The following TRDN variants were observed in gnomAD, a reference collection of about 807,000 sequenced individuals.
The protein encoded by TRDN is triadin, also known as triadin in skeletal muscle.
A neutral mutation model predicts 149.7 loss-of-function variants in TRDN; 161 were observed. The ratio of observed to expected loss-of-function variants is 1.08; its 90% CI spans 0.95 to 1.23. TRDN has a LOEUF of 1.23. Among genes scored for constraint, TRDN ranks in the 50% most tolerant of loss-of-function variants. The pLI is 0.00. For synonymous variants in TRDN, 294 were observed against 250.5 expected (o/e 1.17, Z -1.64); for missense variants, 896 against 823.5 (o/e 1.09, Z -1.08).
chr6:123,406,075 T>C lies in TRDN; in HGVS notation c.1052-12398A>G, dbSNP rs549515100. 5.9e-5 allele frequency among the ~76,000 whole-genome samples: 9 copies of C among 152,328 alleles called. No individual in the cohort carries two copies. The South Asian group carries it at 1.9e-3, about 32-fold the overall frequency. ...TCTTCATCCTTCATTTGTTGAATTT[T>C]CTAGAAAACCAGATAAGCACAAATG... On this transcript the variant is annotated intron_variant, in intron 12 of 40. Coordinates refer to ENST00000334268, the MANE Select transcript of TRDN (RefSeq NM_006073.4).
chr6:123,491,360 A>G (rs1778210749), intron 9 of TRDN, among the ~76,000 whole-genome samples: 1 of 152,174 alleles, frequency 6.6e-6, no homozygotes, highest in Non-Finnish European at 1.5e-5. Flanking sequence ...CTGAAGGCTC[A>G]TAGATGATAA....
chr6:123,384,346 G>A (rs1368199901), intron 14 of TRDN, among the ~76,000 whole-genome samples: 1 of 152,060 alleles, frequency 6.6e-6, no homozygotes, highest in Non-Finnish European at 1.5e-5. Context: ...GCCTGCCCAA[G>A]CAGTTCTGTG....
chr6:123,553,868 T>C lies in TRDN; in HGVS notation c.233-5256A>G, dbSNP rs116369060. Among the ~76,000 whole-genome samples, 442 of 152,282 alleles carry C rather than the reference T, an allele frequency of 2.9e-3. 5 individuals carry two copies. The highest frequency in any genetic ancestry group is 0.01 in the African/African-American group (428 of 41,568). On this transcript the variant is annotated intron_variant, in intron 2 of 40. Coordinates refer to ENST00000334268, the MANE Select transcript of TRDN (RefSeq NM_006073.4). Reference sequence around the variant, plus strand: ...CATGTGGGAATCATGGGAGCTCTAATTCAAGATGATATTTGGGTGGGGACA... The same window carrying C: ...CATGTGGGAATCATGGGAGCTCTAACTCAAGATGATATTTGGGTGGGGACA...
At chr6:123,294,682 A>T (rs1256327008) in intron 24 of TRDN, among the ~76,000 whole-genome samples, 3 of 152,152 alleles carry the variant, frequency 2.0e-5, no homozygotes, top group Non-Finnish European at 2.9e-5. Flanking sequence ...TCCATCGCTC[A>T]CATCCTTCTG....
At chr6:123,276,765 C>T (rs1051531508) in intron 26 of TRDN, among the ~76,000 whole-genome samples, 4 of 152,010 alleles carry the variant, frequency 2.6e-5, no homozygotes, top group Admixed American at 1.3e-4. Context: ...GTCAGGTTTT[C>T]GAGAATTTTA....
intron 38 of TRDN, among the ~76,000 whole-genome samples, chr6:123,250,477 T>C (rs1024043916): frequency 1.3e-5 from 2 of 152,198 alleles, no homozygotes; most frequent in African/African-American, 2.4e-5. Flanking sequence ...TTCAAATATA[T>C]ATAGTATGCT....
At chr6:123,317,390 A>G (rs189562253) in intron 23 of TRDN, among the ~76,000 whole-genome samples, 61 of 152,090 alleles carry the variant, frequency 4.0e-4, no homozygotes, top group African/African-American at 1.4e-3. Flanking sequence ...TAATGCTACC[A>G]GCTTTATTTG....
intron 21 of TRDN, among the ~76,000 whole-genome samples, chr6:123,342,533 T>G (rs1780102641): frequency 6.6e-6 from 1 of 151,874 alleles, no homozygotes; most frequent in Non-Finnish European, 1.5e-5. Context: ...CATTATTTTG[T>G]GTAGTTAGGC....
At position 123,548,438 on chromosome 6, in the gene TRDN, T is replaced by A; in HGVS notation, c.391+16A>T. Reference sequence around the variant, plus strand: ...GTTGCTCCTAGCAGTTAGATATATCTCTATGTTCTTTGTACCTTTATCAGT... The same window carrying A: ...GTTGCTCCTAGCAGTTAGATATATCACTATGTTCTTTGTACCTTTATCAGT... On this transcript the variant is annotated intron_variant, in intron 3 of 40. Transcript: ENST00000334268. 2 of 1,517,802 alleles carry A rather than the reference T, an allele frequency of 1.3e-6. No individual in the cohort carries two copies. Among genetic ancestry groups the A allele is most frequent in the Non-Finnish European group, 8.8e-7 (1 of 1,134,300 alleles). The allele number at this position is 1,517,802 out of a possible 1,614,324, so 94.0% of individuals were successfully genotyped here.
chr6:123,408,360 A>T (rs1255804300), intron 12 of TRDN, among the ~76,000 whole-genome samples: 1 of 152,118 alleles, frequency 6.6e-6, no homozygotes, highest in Admixed American at 6.5e-5. Flanking sequence ...TCTCATACCT[A>T]TGTCTTAGAG....
chr6:123,394,863 T>C (rs1039481194), intron 12 of TRDN, among the ~76,000 whole-genome samples: 1 of 152,156 alleles, frequency 6.6e-6, no homozygotes, highest in Admixed American at 6.5e-5. Flanking sequence ...TAATTAATTT[T>C]TTTTCTGGAG....
intron 2 of TRDN, among the ~76,000 whole-genome samples, chr6:123,550,888 G>T: frequency 6.6e-6 from 1 of 151,816 alleles, no homozygotes; most frequent in Admixed American, 6.6e-5. Flanking sequence ...GCAAGAAATG[G>T]CCGTTTGAAT....
At chr6:123,479,895 A>C (rs892693533) in intron 9 of TRDN, among the ~76,000 whole-genome samples, 1 of 152,154 alleles carries the variant, frequency 6.6e-6, no homozygotes, top group African/African-American at 2.4e-5. Flanking sequence ...GACATTATTG[A>C]GGGGCATTTT....
chr6:123,548,474 CCAT>C lies in TRDN; in HGVS notation c.368_370del (p.Asp123del), dbSNP rs746889615. The C allele has an allele frequency of 2.2e-5, 34 of 1,570,174 alleles. No individual in the cohort carries two copies. The highest frequency in any genetic ancestry group is 6.8e-5 in the African/African-American group (5 of 73,082). On this transcript the variant is annotated inframe_deletion, in exon 3 of 41. Transcript: ENST00000334268. ...TGTACCTTTATCAGTATCTTCGTCA[CCAT>C]CATCATCTTCTTCATCTTCAGATGA... is the stretch of plus-strand genomic sequence containing the variant.
In TRDN at chr6:123,230,660, G is replaced by C. The variant is rs573826442; in HGVS notation, c.1976-6529C>G. Among the ~76,000 whole-genome samples the C allele has an allele frequency of 5.5e-4, 83 of 151,960 alleles. No individual in the cohort carries two copies. The South Asian group carries it at 5.6e-3, about 10-fold the overall frequency. Reference sequence around the variant, plus strand: ...ACAATTTACTAGAAACATATTCATAGCATTTTTCATAGATGGTTGGAATCT... The same window carrying C: ...ACAATTTACTAGAAACATATTCATACCATTTTTCATAGATGGTTGGAATCT... On this transcript the variant is annotated intron_variant, in intron 38 of 40. Coordinates refer to ENST00000334268, the MANE Select transcript of TRDN (RefSeq NM_006073.4).
intron 32 of TRDN, among the ~76,000 whole-genome samples, 177 bp downstream of exon 32, chr6:123,267,530 G>T (rs1777055364): frequency 6.6e-6 from 1 of 152,000 alleles, no homozygotes; most frequent in South Asian, 2.1e-4. Context: ...GGCAATCTAT[G>T]TTTGATTGAC....
Position 123,551,203 on chromosome 6 carries a change from G to GATATATATATATATATATATATAT in TRDN, c.233-2592_233-2591insATATATATATATATATATATATAT, listed in dbSNP as rs10547981. Among the ~76,000 whole-genome samples the GATATATATATATATATATATATAT allele has an allele frequency of 2.9e-3, 340 of 117,986 alleles. 19 individuals are homozygous for GATATATATATATATATATATATAT. Among genetic ancestry groups the GATATATATATATATATATATATAT allele is most frequent in the Non-Finnish European group, 4.0e-3 (215 of 53,280 alleles). 77.4% of individuals were successfully genotyped at this position (117,986 alleles called of 152,430 possible). ...TTAAATGCACTGTATGTATTTTGCAGATATATATATATATATATATTGCCT... is the reference window on the plus strand; with the variant it reads ...TTAAATGCACTGTATGTATTTTGCAGATATATATATATATATATATATATATATATATATATATATATATTGCCT... On this transcript the variant is annotated intron_variant, in intron 2 of 40. Coordinates refer to ENST00000334268, the MANE Select transcript of TRDN (RefSeq NM_006073.4).
intron 18 of TRDN, among the ~76,000 whole-genome samples, chr6:123,377,503 G>A (rs1191251436): frequency 6.6e-6 from 1 of 152,122 alleles, no homozygotes; most frequent in African/African-American, 2.4e-5. Context: ...CTAGTTCACA[G>A]AACACACATT....
chr6:123,316,317 T>A lies in TRDN; in HGVS notation c.1510+140A>T, dbSNP rs1268163287. 1.8e-5 allele frequency: 14 copies of A among 776,342 alleles called. 1 individual carries two copies. The highest frequency in any genetic ancestry group is 1.3e-5 in the Non-Finnish European group (6 of 473,264). The allele number at this position is 776,342 out of a possible 1,614,324, so 48.1% of individuals were successfully genotyped here. A position where few individuals can be genotyped will look rare whatever the true frequency, so the allele number is the denominator to read the frequency against. The stretch of plus-strand genomic sequence containing the variant: ...TATTGCTTATTACTTGTAAAATATA[T>A]GGCACATAGCATCAGTATTTTTTTA... On this transcript the variant is annotated intron_variant, in intron 24 of 40. Coordinates refer to ENST00000334268, the MANE Select transcript of TRDN (RefSeq NM_006073.4).
Sources: allele counts gnomAD v4.1 joint callset (sites outside exome capture counted in the v4.1 genomes callset), GRCh38; gene constraint gnomAD v4.1.1; transcripts MANE v1.5; gene names NCBI Gene and HGNC (gene_info 2026-07-23, HGNC 2026-07-21).